The following ENTREP2 variants were observed in gnomAD, a reference collection of about 807,000 sequenced individuals.
ENTREP2 encodes protein ENTREP2.
chr15:29,470,912 T>C, the ENTREP2 span, among the ~76,000 whole-genome samples: 41 of 152,370 alleles, frequency 2.7e-4, no homozygotes, highest in South Asian at 3.9e-3. Flanking sequence ...CGTCATGCCT[T>C]GTTTCACATT....
At chr15:29,299,946 T>C in the ENTREP2 span, among the ~76,000 whole-genome samples, 3 of 145,954 alleles carry the variant, frequency 2.1e-5, no homozygotes, top group Non-Finnish European at 4.5e-5. Flanking sequence ...GGTGGGTGGG[T>C]AGATGGATGG....
At chr15:29,533,776 A>G in the ENTREP2 span, among the ~76,000 whole-genome samples, 1 of 152,122 alleles carries the variant, frequency 6.6e-6, no homozygotes, top group African/African-American at 2.4e-5. Context: ...TCTCCCCTGT[A>G]GAAAGGGAAC....
the ENTREP2 span, among the ~76,000 whole-genome samples, chr15:29,633,115 A>G: frequency 6.6e-6 from 1 of 152,206 alleles, no homozygotes; most frequent in African/African-American, 2.4e-5. Flanking sequence ...TTCCACTCCA[A>G]ACTCCCGTGG....
the ENTREP2 span, among the ~76,000 whole-genome samples, chr15:29,164,306 T>C: frequency 1.3e-5 from 2 of 152,126 alleles, no homozygotes; most frequent in African/African-American, 4.8e-5. Context: ...AGGCAACAAA[T>C]AGCACAATGA....
the ENTREP2 span, among the ~76,000 whole-genome samples, chr15:29,550,093 G>A: frequency 1.3e-5 from 2 of 152,122 alleles, no homozygotes; most frequent in African/African-American, 4.8e-5. Context: ...CTCCAGACAT[G>A]ATCAGACTCA....
At chr15:29,617,195 A>T in the ENTREP2 span, among the ~76,000 whole-genome samples, 1 of 152,238 alleles carries the variant, frequency 6.6e-6, no homozygotes, top group Non-Finnish European at 1.5e-5. Flanking sequence ...GGTGTACTGC[A>T]GCCTGAGCCC....
the ENTREP2 span, among the ~76,000 whole-genome samples, chr15:29,129,682 C>CG: frequency 1.3e-5 from 2 of 152,096 alleles, no homozygotes; most frequent in Admixed American, 6.5e-5. Flanking sequence ...ACTCTGATTC[C>CG]GCCTGGAGAG....
the ENTREP2 span, among the ~76,000 whole-genome samples, chr15:29,136,755 A>C: frequency 6.6e-6 from 1 of 151,750 alleles, no homozygotes; most frequent in African/African-American, 2.4e-5. Context: ...AGCTGATTAC[A>C]TCTTTCATTA....
chr15:29,497,149 T>C, the ENTREP2 span, among the ~76,000 whole-genome samples: 1 of 152,206 alleles, frequency 6.6e-6, no homozygotes, highest in Non-Finnish European at 1.5e-5. Flanking sequence ...CCTTCTGCTA[T>C]GCAATGACAT....
chr15:29,357,390 C>T, the ENTREP2 span, among the ~76,000 whole-genome samples: 2 of 151,616 alleles, frequency 1.3e-5, no homozygotes, highest in Non-Finnish European at 2.9e-5. Context: ...AAGTCAAAGC[C>T]TCGGAGGGGG....
At chr15:29,379,211 C>G in the ENTREP2 span, among the ~76,000 whole-genome samples, 1 of 152,174 alleles carries the variant, frequency 6.6e-6, no homozygotes, top group East Asian at 1.9e-4. Context: ...CAGTTTCAGG[C>G]CAAGAAAATT....
chr15:29,180,921 A>G, the ENTREP2 span, among the ~76,000 whole-genome samples: 16 of 152,154 alleles, frequency 1.1e-4, no homozygotes, highest in African/African-American at 3.6e-4. Flanking sequence ...AAGTGAGAAA[A>G]AGAAAAAGGA....
the ENTREP2 span, among the ~76,000 whole-genome samples, chr15:29,398,723 C>G: frequency 1.1e-3 from 161 of 152,192 alleles, no homozygotes; most frequent in African/African-American, 3.6e-3. Context: ...GACTCCGTCT[C>G]AAAAATAAAA....
chr15:29,492,079 T>C, the ENTREP2 span, among the ~76,000 whole-genome samples: 1 of 149,962 alleles, frequency 6.7e-6, no homozygotes, highest in East Asian at 2.0e-4. Flanking sequence ...TTTTTTTTTC[T>C]AGCTTGTGGG....
At chr15:29,503,291 T>G in the ENTREP2 span, among the ~76,000 whole-genome samples, 1 of 152,166 alleles carries the variant, frequency 6.6e-6, no homozygotes, top group Non-Finnish European at 1.5e-5. Context: ...TGCTATAACA[T>G]GGATGAACCT....
At chr15:29,357,822 G>C in the ENTREP2 span, among the ~76,000 whole-genome samples, 2 of 150,524 alleles carry the variant, frequency 1.3e-5, no homozygotes, top group African/African-American at 4.9e-5. Context: ...CTGGGCGACA[G>C]AGCAAGAGAG....
chr15:29,377,387 T>A, the ENTREP2 span, among the ~76,000 whole-genome samples: 3 of 151,976 alleles, frequency 2.0e-5, no homozygotes, highest in African/African-American at 7.3e-5. Context: ...GGCATCTGTG[T>A]GTGTGTGGAG....
the ENTREP2 span, among the ~76,000 whole-genome samples, chr15:29,258,432 G>C: frequency 6.6e-6 from 1 of 151,158 alleles, no homozygotes; most frequent in Admixed American, 6.6e-5. Flanking sequence ...AGTAAGTGCT[G>C]AACAACACAG....
At chr15:29,226,092 A>T in the ENTREP2 span, among the ~76,000 whole-genome samples, 1 of 152,214 alleles carries the variant, frequency 6.6e-6, no homozygotes, top group Admixed American at 6.5e-5. Flanking sequence ...ACTTGTCTTG[A>T]CACTGCCGTG....
Sources: gnomAD v4.1 joint callset for allele counts (sites outside exome capture counted in the v4.1 genomes callset) on GRCh38, gnomAD v4.1.1 for gene constraint, MANE v1.5 for transcripts, NCBI Gene and HGNC (gene_info 2026-07-23, HGNC 2026-07-21) for gene names.